The following GRID2 variants were observed in gnomAD, a reference collection of about 807,000 sequenced individuals.
GRID2 encodes the protein glutamate ionotropic receptor delta type subunit 2, also known as glutamate receptor ionotropic, delta-2.
Under a neutral mutation model 114.8 loss-of-function variants are expected in GRID2, and 33 were observed. That is an observed-to-expected ratio of 0.29 (90% CI 0.22 to 0.38). GRID2 has a LOEUF of 0.38. Among genes scored for constraint, GRID2 ranks in the 10% least tolerant of loss-of-function variants. GRID2 has a pLI of 1.00. For synonymous variants in GRID2, 505 were observed against 449.9 expected (o/e 1.12, Z -1.55); for missense variants, 1,184 against 1,257.7 (o/e 0.94, Z 0.89).
chr4:92,560,744 A>G (rs1489668268), intron 1 of GRID2, among the ~76,000 whole-genome samples: 2 of 151,794 alleles, frequency 1.3e-5, no homozygotes, highest in African/African-American at 4.8e-5. Flanking sequence ...GCCACTCTTG[A>G]CGCCCAGACT....
intron 4 of GRID2, among the ~76,000 whole-genome samples, chr4:93,165,439 A>G (rs527461957): frequency 2.0e-4 from 30 of 152,202 alleles, no homozygotes; most frequent in Admixed American, 1.2e-3. Context: ...AAGAGGAGAT[A>G]TGAGAATCCT....
intron 8 of GRID2, among the ~76,000 whole-genome samples, chr4:93,366,445 C>T (rs1332776432): frequency 6.6e-6 from 1 of 152,040 alleles, no homozygotes; most frequent in African/African-American, 2.4e-5. Flanking sequence ...ATTTTGGTCA[C>T]ACTGGTTGAT....
intron 1 of GRID2, among the ~76,000 whole-genome samples, chr4:92,318,211 T>C (rs1304974640): frequency 6.6e-6 from 1 of 151,344 alleles, no homozygotes; most frequent in African/African-American, 2.4e-5. Context: ...GATGGAGAGG[T>C]ACATAGTTTC....
At chr4:93,807,403 C>T (rs1206089709) in exon 2 of GRID2, 1 of 152,144 alleles carries the variant, frequency 6.6e-6, no homozygotes, top group African/African-American at 2.4e-5. Context: ...GAGGTTTTAT[C>T]ACAGAATTCT....
At chr4:93,145,772 A>C (rs980851163) in intron 4 of GRID2, among the ~76,000 whole-genome samples, 8 of 141,940 alleles carry the variant, frequency 5.6e-5, no homozygotes, top group African/African-American at 1.6e-4. Context: ...GTGTGATTAC[A>C]GGTGTGAACC....
chr4:93,762,888 C>T (rs1243718713), intron 14 of GRID2, among the ~76,000 whole-genome samples: 1 of 152,092 alleles, frequency 6.6e-6, no homozygotes, highest in Non-Finnish European at 1.5e-5. Flanking sequence ...GGTCATCATA[C>T]CATCTGGAGG....
At chr4:93,805,683 A>G (rs575775801) in intron 1 of GRID2, among the ~76,000 whole-genome samples, 3 of 152,312 alleles carry the variant, frequency 2.0e-5, no homozygotes, top group Admixed American at 2.0e-4. Flanking sequence ...TAAGATTCAC[A>G]GTTTGTGTCC....
rs549116016 is a variant in GRID2 at position 92,968,264 on chromosome 4, T to C, written c.245-116731T>C. Reference sequence around the variant, plus strand: ...TCTCCATTTTACAGATTAACAAACATAAGTTATTAATTTTATTAATTAAAT... The same window carrying C: ...TCTCCATTTTACAGATTAACAAACACAAGTTATTAATTTTATTAATTAAAT... On this transcript the variant is annotated intron_variant, in intron 2 of 15. Transcript: ENST00000282020. Among the ~76,000 whole-genome samples, 17 of 151,984 alleles carry C rather than the reference T, an allele frequency of 1.1e-4. No homozygotes were observed. In the South Asian group the frequency reaches 3.5e-3, roughly 32 times the overall value.
At chr4:92,726,275 G>T (rs377575801) in intron 2 of GRID2, among the ~76,000 whole-genome samples, 5 of 152,060 alleles carry the variant, frequency 3.3e-5, no homozygotes, top group Non-Finnish European at 1.5e-5. Context: ...AATCCTATGT[G>T]CAGGCATTAA....
chr4:93,225,632 A>G (rs1745396775), intron 7 of GRID2, among the ~76,000 whole-genome samples: 1 of 152,192 alleles, frequency 6.6e-6, no homozygotes, highest in African/African-American at 2.4e-5. Flanking sequence ...CAATTGAAAT[A>G]TAAATGCCCT....
chr4:93,395,460 AT>A, intron 8 of GRID2, 146 bp from the exon 9 acceptor site: 1 of 489,608 alleles, frequency 2.0e-6, no homozygotes, highest in South Asian at 3.3e-5. Flanking sequence ...TAATAACTTC[AT>A]TTCCTATTTA....
intron 7 of GRID2, among the ~76,000 whole-genome samples, chr4:93,226,598 C>G (rs1316542913): frequency 1.3e-5 from 2 of 152,190 alleles, no homozygotes; most frequent in Non-Finnish European, 2.9e-5. Context: ...CTGCAGCTTT[C>G]ACAGGTTAGA....
intron 2 of GRID2, among the ~76,000 whole-genome samples, chr4:92,828,668 T>C (rs1741898146): frequency 6.6e-6 from 1 of 152,140 alleles, no homozygotes. Flanking sequence ...ACTCAATTAA[T>C]GAAGTTTTAC....
At chr4:93,419,479 G>A (rs1264792963) in intron 9 of GRID2, among the ~76,000 whole-genome samples, 3 of 151,970 alleles carry the variant, frequency 2.0e-5, no homozygotes, top group African/African-American at 7.2e-5. Context: ...CAATATATTG[G>A]CTGGTTGTAC....
chr4:93,191,605 T>C (rs1027774286), intron 4 of GRID2, among the ~76,000 whole-genome samples: 1 of 152,038 alleles, frequency 6.6e-6, no homozygotes, highest in African/African-American at 2.4e-5. Flanking sequence ...CACTAAGTGT[T>C]GTTTTAAAAA....
At chr4:93,284,423 G>A (rs1233097799) in intron 8 of GRID2, among the ~76,000 whole-genome samples, 3 of 151,834 alleles carry the variant, frequency 2.0e-5, no homozygotes, top group East Asian at 1.9e-4. Flanking sequence ...TTAATACCTC[G>A]GTGATGACAT....
chr4:92,493,950 T>A (rs895529472), intron 1 of GRID2, among the ~76,000 whole-genome samples: 2 of 152,282 alleles, frequency 1.3e-5, no homozygotes, highest in Non-Finnish European at 2.9e-5. Flanking sequence ...ACAATATGAT[T>A]TGAAGAAACA....
chr4:93,305,847 A>G (rs1008186822), intron 8 of GRID2, among the ~76,000 whole-genome samples: 12 of 150,290 alleles, frequency 8.0e-5, no homozygotes, highest in Admixed American at 2.6e-4. Flanking sequence ...GACATAATAC[A>G]TCTCTGATCT....
intron 8 of GRID2, among the ~76,000 whole-genome samples, chr4:93,242,576 G>T (rs577038708): frequency 6.6e-6 from 1 of 152,182 alleles, no homozygotes; most frequent in Admixed American, 6.6e-5. Context: ...AACATGAATG[G>T]CAATGAAGAA....
Sources: allele counts gnomAD v4.1 joint callset (sites outside exome capture counted in the v4.1 genomes callset), GRCh38; gene constraint gnomAD v4.1.1; transcripts MANE v1.5; gene names NCBI Gene and HGNC (gene_info 2026-07-23, HGNC 2026-07-21).